The following EIF5B variants were observed in gnomAD, a reference collection of about 807,000 sequenced individuals.
EIF5B encodes the protein eIF-5B.
Under a neutral mutation model 147.5 loss-of-function variants are expected in EIF5B, and 47 were observed. The ratio of observed to expected loss-of-function variants is 0.32; its 90% CI spans 0.25 to 0.41. The LOEUF is 0.41. Among genes scored for constraint, EIF5B ranks in the 10% least tolerant of loss-of-function variants. The pLI is 1.00. For missense variants in EIF5B, 1,064 were observed against 1,413.2 expected (o/e 0.75, Z 3.96); for synonymous variants, 455 against 456.2 (o/e 1.00, Z 0.03).
chr2:99,338,968 A>G (rs1411961155), intron 1 of EIF5B, among the ~76,000 whole-genome samples: 6 of 54,614 alleles, frequency 1.1e-4, no homozygotes, highest in African/African-American at 2.8e-4. Flanking sequence ...ATATATAAAT[A>G]TATATATATA....
intron 1 of EIF5B, among the ~76,000 whole-genome samples, chr2:99,346,262 C>G (rs1163720018): frequency 6.6e-6 from 1 of 152,196 alleles, no homozygotes; most frequent in Non-Finnish European, 1.5e-5. Context: ...TATTTGAGAT[C>G]TTCAGTTGCT....
intron 14 of EIF5B, among the ~76,000 whole-genome samples, chr2:99,386,817 T>A (rs995262532): frequency 1.3e-5 from 2 of 152,148 alleles, no homozygotes; most frequent in African/African-American, 4.8e-5. Context: ...AGTGCTGGGA[T>A]TACAGGCGTG....
In EIF5B at chr2:99,394,254, ATTTCT is replaced by A. The variant is rs763115402; in HGVS notation, c.2881-8_2881-4del. The A allele has an allele frequency of 1.0e-5, 16 of 1,599,070 alleles. No individual in the cohort carries two copies. In the Admixed American group the frequency reaches 1.1e-4, roughly 11 times the overall value. ...TGTGTTGACAACCTTATCAAATCTGATTTCTTTTCAAGGATGAATTGATCCATGAG... is the reference window on the plus strand; with the variant it reads ...TGTGTTGACAACCTTATCAAATCTGATTTCAAGGATGAATTGATCCATGAG... On this transcript the variant is annotated splice_region_variant and splice_polypyrimidine_tract_variant and intron_variant, in intron 18 of 23. Transcript: ENST00000289371.
At chr2:99,352,617 C>T (rs1007610563) in intron 1 of EIF5B, among the ~76,000 whole-genome samples, 2 of 150,592 alleles carry the variant, frequency 1.3e-5, no homozygotes, top group East Asian at 2.0e-4. Context: ...GCTGGGATTA[C>T]AGGCATGTGC....
At chr2:99,349,963 A>G (rs547560264) in intron 1 of EIF5B, among the ~76,000 whole-genome samples, 1 of 152,296 alleles carries the variant, frequency 6.6e-6, no homozygotes, top group Admixed American at 6.5e-5. Context: ...TCTTCCCAGC[A>G]TCTGGTAACC....
chr2:99,399,633 G>A lies in EIF5B; in HGVS notation c.*219G>A. Reference sequence around the variant, plus strand: ...ATGTCCCCACAGTTCCAATGTGCCTGTTCACTCACCTCTCCCTTCCCCAAC... The same window carrying A: ...ATGTCCCCACAGTTCCAATGTGCCTATTCACTCACCTCTCCCTTCCCCAAC... On this transcript the variant is annotated 3_prime_UTR_variant, in exon 24 of 24. Coordinates refer to ENST00000289371, the MANE Select transcript of EIF5B (RefSeq NM_015904.4). 4.2e-6 allele frequency: 2 copies of A among 479,462 alleles called. No individual in the cohort carries two copies. Among genetic ancestry groups the A allele is most frequent in the South Asian group, 4.7e-5 (2 of 42,678 alleles). 29.7% of individuals were successfully genotyped at this position (479,462 alleles called of 1,614,324 possible).
chr2:99,352,493 C>A (rs1051593688), intron 1 of EIF5B, among the ~76,000 whole-genome samples: 4 of 150,862 alleles, frequency 2.7e-5, no homozygotes, highest in Non-Finnish European at 4.4e-5. Context: ...CCGTGCCCAG[C>A]CTGTCTTGCC....
chr2:99,355,998 C>T (rs754528334), intron 1 of EIF5B, among the ~76,000 whole-genome samples: 4 of 152,152 alleles, frequency 2.6e-5, no homozygotes, highest in African/African-American at 4.8e-5. Flanking sequence ...GTGCCCCACA[C>T]CTAGTTTCTT....
chr2:99,371,348 C>T (rs1674443231), intron 8 of EIF5B, among the ~76,000 whole-genome samples: 1 of 151,918 alleles, frequency 6.6e-6, no homozygotes, highest in East Asian at 1.9e-4. Context: ...ATTAGCTGGC[C>T]ACGGTGGCGG....
In EIF5B at chr2:99,376,619, G is replaced by A. The variant is rs1433864083; in HGVS notation, c.1825G>A (p.Ala609Thr). Residue 609 changes from alanine to threonine, a missense_variant, in exon 10 of 24, where the codon GCA becomes ACA. This residue lies in a region of EIF5B where 195 missense variants were observed against 186.3 expected (regional missense o/e 1.05). Coordinates refer to ENST00000289371, the MANE Select transcript of EIF5B (RefSeq NM_015904.4). ...TAAAGAAGAAAGGGCTTATGACAAA[G>A]CAAAACGGAGGATTGAGGTATTTAT... ...RTKEERAYDK[A>T]KRRIEKRRLE... is the part of the protein sequence containing the mutation. 3.1e-6 allele frequency: 5 copies of A among 1,601,762 alleles called. No individual in the cohort carries two copies. The highest frequency in any genetic ancestry group is 4.3e-6 in the Non-Finnish European group (5 of 1,175,476).
At chr2:99,338,915 A>AGTGTGT (rs752676723) in intron 1 of EIF5B, among the ~76,000 whole-genome samples, 2 of 46,770 alleles carry the variant, frequency 4.3e-5, no homozygotes, top group Non-Finnish European at 1.0e-4. Context: ...ACCTACTAGA[A>AGTGTGT]GTGTGTGTAT....
intron 9 of EIF5B, among the ~76,000 whole-genome samples, chr2:99,374,174 A>G (rs1020714796): frequency 1.3e-5 from 2 of 151,696 alleles, no homozygotes; most frequent in African/African-American, 4.8e-5. Flanking sequence ...CTGTAATCCT[A>G]GCTACTCAGG....
intron 1 of EIF5B, among the ~76,000 whole-genome samples, chr2:99,347,289 G>T (rs1178764846): frequency 6.6e-6 from 1 of 152,228 alleles, no homozygotes; most frequent in Non-Finnish European, 1.5e-5. Context: ...TTACAGGCAT[G>T]AGCCACTGTG....
chr2:99,373,155 C>T (rs773878665), intron 9 of EIF5B, among the ~76,000 whole-genome samples: 1 of 152,166 alleles, frequency 6.6e-6, no homozygotes, highest in East Asian at 1.9e-4. Context: ...TATAGGTACA[C>T]GAGCTTTGAT....
chr2:99,395,365 G>A (rs1192623200), intron 21 of EIF5B, among the ~76,000 whole-genome samples: 1 of 152,146 alleles, frequency 6.6e-6, no homozygotes, highest in South Asian at 2.1e-4. Context: ...ACAGGGTCTC[G>A]TTCTGTCACC....
chr2:99,381,689 G>GTA (rs1674692694), intron 12 of EIF5B, among the ~76,000 whole-genome samples: 1 of 151,914 alleles, frequency 6.6e-6, no homozygotes, highest in African/African-American at 2.4e-5. Context: ...ATACAACAGG[G>GTA]TATGCATTTA....
At chr2:99,376,097 T>A (rs1674559539) in intron 9 of EIF5B, among the ~76,000 whole-genome samples, 2 of 152,206 alleles carry the variant, frequency 1.3e-5, no homozygotes. Context: ...TGGCTTTCAA[T>A]GTGGCCTAGC....
At chr2:99,393,984 T>G (rs1674991373) in intron 18 of EIF5B, among the ~76,000 whole-genome samples, 1 of 152,218 alleles carries the variant, frequency 6.6e-6, no homozygotes, top group Non-Finnish European at 1.5e-5. Flanking sequence ...CTCTACTGTT[T>G]AATTCTGCCC....
At chr2:99,367,136 C>G (rs1177729214) in intron 6 of EIF5B, among the ~76,000 whole-genome samples, 2 of 152,122 alleles carry the variant, frequency 1.3e-5, no homozygotes, top group Non-Finnish European at 2.9e-5. Context: ...AGATAGGACT[C>G]TAAACCATAA....
Sources: allele counts gnomAD v4.1 joint callset (sites outside exome capture counted in the v4.1 genomes callset), GRCh38; gene constraint gnomAD v4.1.1; regional missense constraint gnomAD v4.1.1; transcripts MANE v1.5; gene names NCBI Gene and HGNC (gene_info 2026-07-23, HGNC 2026-07-21).